Variants in COL25A1 observed in about 807,000 individuals in gnomAD.
COL25A1 encodes collagen alpha-1(XXV) chain.
A neutral mutation model predicts 128.4 loss-of-function variants in COL25A1; 103 were observed. The observed-to-expected ratio is 0.80, with a 90% CI of 0.68 to 0.94. The LOEUF (loss-of-function observed/expected upper bound fraction) is 0.94, where lower values mean the gene tolerates loss of function less well. Among genes scored for constraint, COL25A1 ranks in the 40% least tolerant of loss-of-function variants. The pLI, the probability that COL25A1 is intolerant of heterozygous loss-of-function variation, is 0.00. For missense variants in COL25A1, 745 were observed against 840.0 expected, an observed-to-expected ratio of 0.89 and a Z score of 1.40; for synonymous variants, 279 against 277.2, an observed-to-expected ratio of 1.01 and a Z score of -0.06.
At chr4:108,933,724 C>T (rs1248199840) in intron 11 of COL25A1, among the ~76,000 whole-genome samples, 4 of 152,058 alleles carry the variant, frequency 2.6e-5, no homozygotes, top group Admixed American at 2.6e-4. Context: ...CCCAGTGAGA[C>T]AGGTAGAACA....
Position 108,904,372 on chromosome 4 carries a change from T to G in COL25A1, c.781-3200A>C, listed in dbSNP as rs549836830. Among the ~76,000 whole-genome samples, 131 of 152,152 alleles carry G rather than the reference T, an allele frequency of 8.6e-4. 1 individual carries two copies. The highest frequency in any genetic ancestry group is 1.4e-3 in the Admixed American group (21 of 15,272). On this transcript the variant is annotated intron_variant, in intron 13 of 37. Coordinates refer to ENST00000399132, the MANE Select transcript of COL25A1 (RefSeq NM_198721.4). ...GGCATCTAATTGAGTTCATGAAACATTTTTAGGGGCAAAGTTTTCTTACAC... is the reference window on the plus strand; with the variant it reads ...GGCATCTAATTGAGTTCATGAAACAGTTTTAGGGGCAAAGTTTTCTTACAC...
chr4:108,894,078 C>T (rs1375776879), intron 16 of COL25A1, among the ~76,000 whole-genome samples: 1 of 151,886 alleles, frequency 6.6e-6, no homozygotes, highest in Non-Finnish European at 1.5e-5. Context: ...GGAAGAAAAG[C>T]TAATATTTAT....
intron 18 of COL25A1, among the ~76,000 whole-genome samples, chr4:108,886,471 TGTGTGTGTGTGTGTGTGTGTG>T (rs1740800692): frequency 1.6e-5 from 2 of 124,956 alleles, no homozygotes; most frequent in African/African-American, 5.5e-5. Context: ...TGTGTGTGTG[TGTGTGTGTGTGTGTGTGTGTG>T]TTTAGCTCAT....
intron 3 of COL25A1, among the ~76,000 whole-genome samples, chr4:109,149,259 G>A (rs1191177058): frequency 1.3e-5 from 2 of 152,078 alleles, no homozygotes; most frequent in African/African-American, 2.4e-5. Context: ...TTTCGGAAAC[G>A]GTTTCCTATT....
At position 108,845,233 on chromosome 4, in the gene COL25A1, C is replaced by T. The variant is rs1429558804; in HGVS notation, c.1534G>A (p.Gly512Arg). 4.3e-6 allele frequency: 7 copies of T among 1,613,816 alleles called. No individual in the cohort carries two copies. The highest frequency in any genetic ancestry group is 5.1e-6 in the Non-Finnish European group (6 of 1,179,708). The change falls in exon 29 of 38, where the codon GGA becomes AGA. Residue 512 changes from glycine to arginine, a missense_variant. Physicochemically the swap from Gly to Arg is moderately radical, Grantham distance 125 (BLOSUM62 -2). Transcript: ENST00000399132. ...PGLPGANGMK[G>R]EKGDSGMPGP... ...GGCATTCCAGAATCTCCTTTTTCTC[C>T]TTTCATTCCATTGGCTCCCTATAAA...
At chr4:108,868,819 AG>A (rs1738292679) in intron 20 of COL25A1, among the ~76,000 whole-genome samples, 1 of 147,844 alleles carries the variant, frequency 6.8e-6, no homozygotes, top group Admixed American at 6.7e-5. Context: ...AAGGAAGGAA[AG>A]GAAGGAAGGA....
intron 8 of COL25A1, among the ~76,000 whole-genome samples, chr4:108,948,964 T>A (rs1278445541): frequency 1.3e-5 from 2 of 152,168 alleles, no homozygotes; most frequent in Admixed American, 1.3e-4. Flanking sequence ...TATTAGGGGA[T>A]TCCAGGCCTT....
At chr4:109,035,791 A>G (rs1412619361) in intron 5 of COL25A1, among the ~76,000 whole-genome samples, 1 of 152,064 alleles carries the variant, frequency 6.6e-6, no homozygotes, top group Non-Finnish European at 1.5e-5. Context: ...AGGTCAAGCA[A>G]TTTTTCATTT....
At chr4:109,165,592 C>G (rs1772995048) in intron 3 of COL25A1, among the ~76,000 whole-genome samples, 1 of 152,068 alleles carries the variant, frequency 6.6e-6, no homozygotes, top group African/African-American at 2.4e-5. Context: ...TGGGGCACAC[C>G]TGTAATCCCA....
rs548022121 is a variant in COL25A1 at position 108,883,543 on chromosome 4, T to A, written c.1020+635A>T. 2.5e-3 allele frequency among the ~76,000 whole-genome samples: 387 copies of A among 152,248 alleles called. 3 individuals are homozygous for A. The highest frequency in any genetic ancestry group is 9.0e-3 in the African/African-American group (372 of 41,552). ...GTCTTGTCAGTTGCCATGCAAAAAA[T>A]TTCAAAACATTTTTTAAAATGTTTT... is the stretch of plus-strand genomic sequence containing the variant. On this transcript the variant is annotated intron_variant, in intron 19 of 37. Coordinates refer to ENST00000399132, the MANE Select transcript of COL25A1 (RefSeq NM_198721.4).
intron 3 of COL25A1, among the ~76,000 whole-genome samples, chr4:109,148,099 A>C (rs1360628372): frequency 6.6e-6 from 1 of 152,180 alleles, no homozygotes; most frequent in Non-Finnish European, 1.5e-5. Flanking sequence ...ACACAGAGAA[A>C]GTACCAATAA....
At chr4:108,910,337 C>T (rs1744059987) in intron 13 of COL25A1, among the ~76,000 whole-genome samples, 1 of 152,200 alleles carries the variant, frequency 6.6e-6, no homozygotes, top group Non-Finnish European at 1.5e-5. Context: ...CTTACTGATA[C>T]TCACTTGGAC....
chr4:109,115,640 G>C (rs993202643), intron 3 of COL25A1, among the ~76,000 whole-genome samples: 3 of 152,016 alleles, frequency 2.0e-5, no homozygotes, highest in Non-Finnish European at 2.9e-5. Context: ...AGATGTTAAG[G>C]ATGTACCTTC....
intron 3 of COL25A1, among the ~76,000 whole-genome samples, chr4:109,137,984 A>ATATATGTGTGTGTGTGTGTGTG (rs547874075): frequency 7.0e-6 from 1 of 142,490 alleles, no homozygotes; most frequent in Non-Finnish European, 1.5e-5. Context: ...TTATATATAT[A>ATATATGTGTGTGTGTGTGTGTG]TGTGTGTGTG....
At chr4:108,983,242 A>T (rs553238725) in intron 6 of COL25A1, among the ~76,000 whole-genome samples, 1 of 152,128 alleles carries the variant, frequency 6.6e-6, no homozygotes. Context: ...ATGGTGAAAG[A>T]CTTGGAATCC....
At chr4:108,871,617 G>C (rs1578612349) in intron 19 of COL25A1, among the ~76,000 whole-genome samples, 1 of 152,252 alleles carries the variant, frequency 6.6e-6, no homozygotes, top group East Asian at 1.9e-4. Context: ...CACCGGGCCT[G>C]ATTGGCTAAT....
intron 3 of COL25A1, among the ~76,000 whole-genome samples, chr4:109,193,038 A>G (rs1032967527): frequency 6.6e-6 from 1 of 152,130 alleles, no homozygotes; most frequent in Non-Finnish European, 1.5e-5. Flanking sequence ...ATACATTTCT[A>G]TATCGTTGTG....
chr4:108,959,465 A>G (rs1750428099), intron 8 of COL25A1, among the ~76,000 whole-genome samples: 1 of 152,168 alleles, frequency 6.6e-6, no homozygotes, highest in African/African-American at 2.4e-5. Flanking sequence ...CATTCCAGTA[A>G]TAGGAAAAAA....
At chr4:109,053,204 T>C (rs190364964) in intron 3 of COL25A1, among the ~76,000 whole-genome samples, 1 of 152,330 alleles carries the variant, frequency 6.6e-6, no homozygotes, top group African/African-American at 2.4e-5. Context: ...ATTGGTACTA[T>C]TCATGCTTCA....
Sources: gnomAD v4.1 joint callset for allele counts (sites outside exome capture counted in the v4.1 genomes callset) on GRCh38, gnomAD v4.1.1 for gene constraint, MANE v1.5 for transcripts, NCBI Gene and HGNC (gene_info 2026-07-23, HGNC 2026-07-21) for gene names.